The following NPHP4 variants were observed in gnomAD, a reference collection of about 807,000 sequenced individuals.
NPHP4 encodes the protein nephrocystin 4, also known as nephrocystin-4.
NPHP4 carries 151 observed loss-of-function variants against 155.8 expected under a neutral mutation model. The ratio of observed to expected loss-of-function variants is 0.97; its 90% CI spans 0.85 to 1.11. The LOEUF (loss-of-function observed/expected upper bound fraction) is 1.11. Among genes scored for constraint, NPHP4 ranks in the 50% least tolerant of loss-of-function variants. The pLI is 0.00. For missense variants in NPHP4, 1,956 were observed against 1,925.7 expected (o/e 1.02, Z -0.29); for synonymous variants, 845 against 816.8 (o/e 1.03, Z -0.59).
At chr1:5,980,064 T>G (rs1437811312) in intron 2 of NPHP4, among the ~76,000 whole-genome samples, 1 of 152,118 alleles carries the variant, frequency 6.6e-6, no homozygotes, top group Non-Finnish European at 1.5e-5. Flanking sequence ...GGGCCATCCC[T>G]GCACCTCAGA....
chr1:5,869,250 CACAT>C (rs948661203), intron 23 of NPHP4, among the ~76,000 whole-genome samples: 1 of 149,992 alleles, frequency 6.7e-6, no homozygotes, highest in Non-Finnish European at 1.5e-5. Flanking sequence ...CACACACACA[CACAT>C]GCACACCCAC....
chr1:5,978,927 C>T (rs1002502866), intron 2 of NPHP4, among the ~76,000 whole-genome samples: 1 of 152,182 alleles, frequency 6.6e-6, no homozygotes, highest in Non-Finnish European at 1.5e-5. Context: ...AAACTAAATC[C>T]TCAACTTCCC....
Position 5,865,191 on chromosome 1 carries a change from C to G in NPHP4, c.3727G>C (p.Gly1243Arg). The G allele has an allele frequency of 1.2e-6, 2 of 1,612,496 alleles. No individual in the cohort carries two copies. Among genetic ancestry groups the G allele is most frequent in the Non-Finnish European group, 1.7e-6 (2 of 1,179,334 alleles). The change falls in exon 27 of 30, where the codon GGC (glycine) becomes CGC (arginine). Residue 1243 changes from glycine (G) to arginine (R), a missense_variant. Coordinates refer to ENST00000378156, the MANE Select transcript of NPHP4 (RefSeq NM_015102.5). ...ACAAGGGACAGGCGGGTCAGCTGGC[C>G]TGCGACGCAGGAGACATCCACGCGC... ...LQRVDVSCVAGQLTRLSLVLR... is the reference protein window; with the variant it reads ...LQRVDVSCVARQLTRLSLVLR...
chr1:5,949,977 C>G (rs1352879169), intron 7 of NPHP4, among the ~76,000 whole-genome samples: 1 of 152,236 alleles, frequency 6.6e-6, no homozygotes, highest in East Asian at 1.9e-4. Flanking sequence ...AAGCCAGCAG[C>G]AGGTTTTAAA....
intron 3 of NPHP4, among the ~76,000 whole-genome samples, chr1:5,970,889 G>C (rs1042589360): frequency 6.6e-6 from 1 of 152,008 alleles, no homozygotes; most frequent in Non-Finnish European, 1.5e-5. Flanking sequence ...ATCTTTTATT[G>C]CAATATGATG....
intron 1 of NPHP4, among the ~76,000 whole-genome samples, chr1:5,989,636 T>C (rs1162787022): frequency 6.6e-6 from 1 of 152,254 alleles, no homozygotes; most frequent in Non-Finnish European, 1.5e-5. Context: ...TGATGTTTTA[T>C]AACATTCAGA....
intron 1 of NPHP4, among the ~76,000 whole-genome samples, chr1:5,988,809 C>A (rs1655846812): frequency 6.6e-6 from 1 of 152,076 alleles, no homozygotes; most frequent in South Asian, 2.1e-4. Flanking sequence ...GCCCAGGGTC[C>A]CGCCTCCACC....
At chr1:5,876,222 T>TGGGA (rs1377094562) in intron 20 of NPHP4, 1 of 81,128 alleles carries the variant, frequency 1.2e-5, no homozygotes, top group Non-Finnish European at 2.3e-5. Flanking sequence ...CCCTGCCAGC[T>TGGGA]GGGAGGGAGG....
chr1:5,974,544 C>T (rs184235156), intron 3 of NPHP4, among the ~76,000 whole-genome samples: 20 of 152,220 alleles, frequency 1.3e-4, no homozygotes, highest in African/African-American at 3.4e-4. Flanking sequence ...ATGAATGATT[C>T]GCTGGCTCAG....
Position 5,953,069 on chromosome 1 carries a change from G to A in NPHP4, c.674-233C>T, listed in dbSNP as rs35471669. Among the ~76,000 whole-genome samples the A allele has an allele frequency of 0.13, 19,237 of 151,674 alleles. 1,553 individuals are homozygous for A. Among genetic ancestry groups the A allele is most frequent in the Non-Finnish European group, 0.18 (12,141 of 67,884 alleles). The stretch of plus-strand genomic sequence containing the variant: ...AACCTCCTCCAGGAACAGTTTTTCT[G>A]TTGTTTTGTTTTTCATTTTTTTGTT... On this transcript the variant is annotated intron_variant, in intron 6 of 29. Transcript: ENST00000378156.
At position 5,874,556 on chromosome 1, in the gene NPHP4, G is replaced by A. The variant is rs938043515; in HGVS notation, c.3146C>T (p.Pro1049Leu). Residue 1049 changes from proline to leucine, a missense_variant, in exon 22 of 30, where the codon CCC (proline) becomes CTC (leucine). Physicochemically the swap from Pro to Leu is moderately conservative, Grantham distance 98 (BLOSUM62 -3). Transcript: ENST00000378156. ...DMFHLRGSLA[P>L]QLYLRPHETA... ...CTCGTGGGGGCGCAGGTAGAGCTGG[G>A]GGGCCAGGCTGCCACGCAGGTGGAA... The A allele has an allele frequency of 6.2e-7, 1 of 1,605,420 alleles. No homozygotes were observed. Among genetic ancestry groups the A allele is most frequent in the Admixed American group, 1.7e-5 (1 of 59,024 alleles).
intron 1 of NPHP4, among the ~76,000 whole-genome samples, chr1:5,991,241 G>A (rs1222758008): frequency 6.6e-6 from 1 of 151,878 alleles, no homozygotes; most frequent in Admixed American, 6.6e-5. Context: ...CTGCGCCCGG[G>A]AGAAACGGTC....
chr1:5,868,588 G>T (rs1423978522), intron 23 of NPHP4, among the ~76,000 whole-genome samples: 1 of 146,036 alleles, frequency 6.8e-6, no homozygotes, highest in Non-Finnish European at 1.5e-5. Flanking sequence ...ACACATACAT[G>T]CACACCCACA....
intron 4 of NPHP4, 42 bp from the exon 5 acceptor site, chr1:5,967,405 C>T (rs773416994): frequency 1.3e-6 from 2 of 1,514,266 alleles, no homozygotes; most frequent in East Asian, 2.4e-5. Context: ...GCCACGTGCG[C>T]ACTTCTCAGA....
chr1:5,978,254 C>G lies in NPHP4; in HGVS notation c.279+16G>C. 6.3e-7 allele frequency: 1 copy of G among 1,599,132 alleles called. No homozygotes were observed. The highest frequency in any genetic ancestry group is 8.5e-7 in the Non-Finnish European group (1 of 1,172,916). ...TCCGCCTTGGAGCAGCCCCTGCCAC[C>G]ATCACCAGGGCCCACCTCATTAAAG... On this transcript the variant is annotated intron_variant, in intron 3 of 29. Transcript: ENST00000378156.
intron 19 of NPHP4, among the ~76,000 whole-genome samples, chr1:5,879,094 C>A (rs1432185010): frequency 6.6e-6 from 1 of 152,188 alleles, no homozygotes; most frequent in African/African-American, 2.4e-5. Context: ...TACAAGTTTA[C>A]CCAGAGTTTC....
At chr1:5,960,773 C>A (rs1447539139) in intron 6 of NPHP4, among the ~76,000 whole-genome samples, 1 of 152,004 alleles carries the variant, frequency 6.6e-6, no homozygotes, top group Non-Finnish European at 1.5e-5. Context: ...CAGAGCACAC[C>A]CCCAACACTC....
intron 15 of NPHP4, 138 bp from the exon 16 acceptor site, chr1:5,904,942 G>A: frequency 1.2e-6 from 1 of 807,342 alleles, no homozygotes. Flanking sequence ...GGTCACCAAT[G>A]CAACCGCTTT....
intron 16 of NPHP4, among the ~76,000 whole-genome samples, chr1:5,900,973 T>G (rs958023506): frequency 6.6e-6 from 1 of 151,848 alleles, no homozygotes; most frequent in African/African-American, 2.4e-5. Context: ...AGGTCGAGGC[T>G]GCCATGAGCC....
Sources: gnomAD v4.1 joint callset for allele counts (sites outside exome capture counted in the v4.1 genomes callset) on GRCh38, gnomAD v4.1.1 for gene constraint, MANE v1.5 for transcripts, NCBI Gene and HGNC (gene_info 2026-07-23, HGNC 2026-07-21) for gene names.